The following PCDHGA1 variants were observed in gnomAD, a reference collection of about 807,000 sequenced individuals.
The protein encoded by PCDHGA1 is protocadherin gamma subfamily A, 1.
In PCDHGA1, 32 loss-of-function variants were observed where a neutral mutation model predicts 58.0. The observed-to-expected ratio is 0.55, with a 90% CI of 0.42 to 0.74. PCDHGA1 has a LOEUF of 0.74. PCDHGA1 is among the 30% of genes least tolerant of loss of function. PCDHGA1 has a pLI of 0.00. For missense variants in PCDHGA1, 1,205 were observed against 1,182.3 expected, an observed-to-expected ratio of 1.02 and a Z score of -0.28; for synonymous variants, 498 against 501.1, an observed-to-expected ratio of 0.99 and a Z score of 0.08.
rs759356451 is a variant in PCDHGA1, at chr5:141,476,397, G to C, written c.2422-18410G>C. On this transcript the variant is annotated intron_variant, in intron 1 of 3. Transcript: ENST00000517417. The surrounding 1 kb of genome is among the most constrained non-coding windows in gnomAD (Gnocchi z 7.6). ...ATGTTTGTGAACGACCGTCTGGATC[G>C]AGAGGAGCTGTGTGGGACACTGCCC... The C allele has an allele frequency of 6.2e-7, 1 of 1,614,142 alleles. No individual in the cohort carries two copies. The highest frequency in any genetic ancestry group is 8.5e-7 in the Non-Finnish European group (1 of 1,180,036).
intron 1 of PCDHGA1, chr5:141,400,148 G>A (rs377393833): frequency 2.5e-6 from 4 of 1,614,056 alleles, no homozygotes; most frequent in African/African-American, 2.7e-5. Flanking sequence ...ATCACTGACC[G>A]CCCTGTACCC....
intron 1 of PCDHGA1, among the ~76,000 whole-genome samples, chr5:141,357,912 G>A (rs1028672108): frequency 6.6e-6 from 1 of 152,134 alleles, no homozygotes; most frequent in African/African-American, 2.4e-5. Flanking sequence ...TTTCTGTGCT[G>A]GGTGTGGTGG....
rs765050792 is a variant in PCDHGA1, at chr5:141,355,544, A to C, written c.2421+22439A>C. ...GAGATTCTTCTAGAAGATACAGTGA[A>C]GATTTTGCGGGTAGAGGTGGAAATA... On this transcript the variant is annotated intron_variant, in intron 1 of 3. Coordinates refer to ENST00000517417, the MANE Select transcript of PCDHGA1 (RefSeq NM_018912.3). 6 of 1,614,058 alleles carry C rather than the reference A, an allele frequency of 3.7e-6. No individual in the cohort carries two copies. In the Admixed American group the frequency reaches 1.0e-4, roughly 27 times the overall value.
rs374896827 is a variant in PCDHGA1 at position 141,366,348 on chromosome 5, C to A, written c.2421+33243C>A. 54 of 1,613,830 alleles carry A rather than the reference C, an allele frequency of 3.3e-5. No individual in the cohort carries two copies. In the African/African-American group the frequency reaches 6.7e-4, roughly 20 times the overall value. On this transcript the variant is annotated intron_variant, in intron 1 of 3. Transcript: ENST00000517417. ...GCCGACAGGATCCCTGACATCCTGG[C>A]TGACCTAGGCAGTATCAAGACCCCC...
In PCDHGA1 at chr5:141,450,548, G is replaced by A. The variant is rs186010209; in HGVS notation, c.2422-44259G>A. 3.3e-4 allele frequency among the ~76,000 whole-genome samples: 50 copies of A among 151,716 alleles called. 1 individual carries two copies. Among genetic ancestry groups the A allele is most frequent in the African/African-American group, 9.9e-4 (41 of 41,366 alleles). On this transcript the variant is annotated intron_variant, in intron 1 of 3. Transcript: ENST00000517417. ...GTCACCCAGGCTGGAATGCAGTGGC[G>A]CAGTCTCGGCTCACTGCAACTTCTG... is the stretch of plus-strand genomic sequence containing the variant.
intron 1 of PCDHGA1, among the ~76,000 whole-genome samples, chr5:141,406,662 A>G (rs1357382326): frequency 6.6e-6 from 1 of 152,208 alleles, no homozygotes; most frequent in Non-Finnish European, 1.5e-5. Flanking sequence ...TTAATGTTAA[A>G]TTATGGAGAA....
intron 1 of PCDHGA1, among the ~76,000 whole-genome samples, chr5:141,336,748 A>T (rs896688153): frequency 6.6e-6 from 1 of 152,240 alleles, no homozygotes; most frequent in Non-Finnish European, 1.5e-5. Flanking sequence ...CTTGGATATG[A>T]CACCAAAAGC....
At position 141,431,495 on chromosome 5, in the gene PCDHGA1, G is replaced by A. The variant is rs557611439; in HGVS notation, c.2422-63312G>A. The A allele has an allele frequency of 4.3e-6, 7 of 1,613,864 alleles. No homozygotes were observed. The highest frequency in any genetic ancestry group is 1.1e-5 in the South Asian group (1 of 91,092). On this transcript the variant is annotated intron_variant, in intron 1 of 3. Coordinates refer to ENST00000517417, the MANE Select transcript of PCDHGA1 (RefSeq NM_018912.3). This position sits in a 1 kb window ranked among gnomAD's most constrained non-coding sequence, Gnocchi z 4.8. ...CAACGCACCAGCGTTTGCTCAGCCC[G>A]AGTACCGCGCGAGCGTTCCGGAGAA...
rs746144695 is a variant in PCDHGA1 at position 141,331,342 on chromosome 5, C to G, written c.658C>G (p.Pro220Ala). Residue 220 changes from proline (P) to alanine (A), a missense_variant, in exon 1 of 4, where the codon CCA becomes GCA. Physicochemically the swap from Pro to Ala is conservative, Grantham distance 27. Coordinates refer to ENST00000517417, the MANE Select transcript of PCDHGA1 (RefSeq NM_018912.3). ...LILTASDGGE[P>A]VRSGTLRIYI... ...CCTCACAGCTTCTGATGGGGGTGAA[C>G]CAGTCCGTTCAGGGACCCTCAGAAT... The G allele has an allele frequency of 1.9e-6, 3 of 1,614,184 alleles. No homozygotes were observed. The highest frequency in any genetic ancestry group is 2.5e-6 in the Non-Finnish European group (3 of 1,180,042).
chr5:141,458,695 G>T (rs551105765), intron 1 of PCDHGA1, among the ~76,000 whole-genome samples: 2 of 151,734 alleles, frequency 1.3e-5, no homozygotes, highest in Non-Finnish European at 2.9e-5. Context: ...TCAGCCTCCC[G>T]AGTAGCTGGG....
At chr5:141,364,173 G>T (rs2149854430) in intron 1 of PCDHGA1, 2 of 806,624 alleles carry the variant, frequency 2.5e-6, no homozygotes, top group Non-Finnish European at 3.6e-6. Context: ...ACCCGACTCT[G>T]CTCCCTCCAT....
chr5:141,373,632 T>C (rs1769740569), intron 1 of PCDHGA1, among the ~76,000 whole-genome samples: 1 of 152,264 alleles, frequency 6.6e-6, no homozygotes, highest in African/African-American at 2.4e-5. Context: ...ATATTATTTC[T>C]GTTCCCCAAG....
chr5:141,421,125 C>G, intron 1 of PCDHGA1: 1 of 804,210 alleles, frequency 1.2e-6, no homozygotes, highest in Admixed American at 3.0e-5. Flanking sequence ...CCTTCGCTTT[C>G]TGATATATTT....
At chr5:141,468,774 G>A (rs1229480462) in intron 1 of PCDHGA1, among the ~76,000 whole-genome samples, 4 of 152,028 alleles carry the variant, frequency 2.6e-5, no homozygotes, top group Non-Finnish European at 4.4e-5. Flanking sequence ...GCTGAGGCAG[G>A]AGAATGGCGT....
rs546656566 is a variant in PCDHGA1, at chr5:141,389,499, G to C, written c.2421+56394G>C. 10 of 1,613,058 alleles carry C rather than the reference G, an allele frequency of 6.2e-6. No homozygotes were observed. The African/African-American group carries it at 1.1e-4, about 17-fold the overall frequency. On this transcript the variant is annotated intron_variant, in intron 1 of 3. Coordinates refer to ENST00000517417, the MANE Select transcript of PCDHGA1 (RefSeq NM_018912.3). ...GCAGGCCCGCGACCAGGGCTCGCCA[G>C]CGCTCAGCGCGAACGTGAGCCTGCG... is the stretch of plus-strand genomic sequence containing the variant.
chr5:141,374,491 A>G (rs749520440), intron 1 of PCDHGA1: 1 of 1,611,464 alleles, frequency 6.2e-7, no homozygotes, highest in Non-Finnish European at 8.5e-7. Context: ...TCTTAAAGGA[A>G]GAATTGGAAG....
In PCDHGA1 at chr5:141,410,620, G is replaced by C. The variant is rs765125633; in HGVS notation, c.2421+77515G>C. ...CTTCACATCCTGAGACTCTGACTTC[G>C]GTGAGTTTCTCTTTTTTGTGTGTGA... On this transcript the variant is annotated intron_variant, in intron 1 of 3. Coordinates refer to ENST00000517417, the MANE Select transcript of PCDHGA1 (RefSeq NM_018912.3). The C allele has an allele frequency of 3.4e-5, 55 of 1,603,406 alleles. 1 individual carries two copies. The highest frequency in any genetic ancestry group is 2.8e-4 in the Admixed American group (17 of 59,744).
At chr5:141,336,733 G>A (rs1756634191) in intron 1 of PCDHGA1, among the ~76,000 whole-genome samples, 1 of 152,154 alleles carries the variant, frequency 6.6e-6, no homozygotes, top group Non-Finnish European at 1.5e-5. Context: ...TTTTGGCAAT[G>A]ATTTCTTGGA....
chr5:141,352,060 G>C (rs1758905366), intron 1 of PCDHGA1: 3 of 1,605,742 alleles, frequency 1.9e-6, no homozygotes, highest in Non-Finnish European at 2.5e-6. Flanking sequence ...ACGCTTGGCT[G>C]TCCTACCACG....
Sources: gnomAD v4.1 joint callset for allele counts (sites outside exome capture counted in the v4.1 genomes callset) on GRCh38, gnomAD v4.1.1 for gene constraint, Gnocchi (gnomAD v3.1) non-coding constraint, MANE v1.5 for transcripts, NCBI Gene and HGNC (gene_info 2026-07-23, HGNC 2026-07-21) for gene names.